Variants in ORMDL3 observed in about 807,000 individuals in gnomAD.
ORMDL3 encodes ORM1-like protein 3.
Under a neutral mutation model 12.6 loss-of-function variants are expected in ORMDL3, and 6 were observed. The ratio of observed to expected loss-of-function variants is 0.48; its 90% CI spans 0.26 to 0.94. ORMDL3 has a LOEUF of 0.94. Among genes scored for constraint, ORMDL3 ranks in the 40% least tolerant of loss-of-function variants. The probability of loss-of-function intolerance (pLI) is 0.14; values close to 1 mark genes in which losing one functional copy is unlikely to be tolerated. For synonymous variants in ORMDL3, 99 were observed against 87.2 expected (o/e 1.14, Z -0.75); for missense variants, 159 against 205.5 (o/e 0.77, Z 1.38).
rs142530116 is a variant in ORMDL3, at chr17:39,922,403, G to A, written c.*147C>T. On this transcript the variant is annotated 3_prime_UTR_variant, in exon 4 of 4. Coordinates refer to ENST00000304046, the MANE Select transcript of ORMDL3 (RefSeq NM_139280.4). ...AAGCTACTCCAAGTTGGCTACTGGGGGAAGCGAGGGGGGAAATTAGGCCAG... is the reference window on the plus strand; with the variant it reads ...AAGCTACTCCAAGTTGGCTACTGGGAGAAGCGAGGGGGGAAATTAGGCCAG... The A allele has an allele frequency of 8.3e-4, 850 of 1,022,980 alleles. 7 individuals carry two copies. In the African/African-American group the frequency reaches 0.012, roughly 14 times the overall value. The allele number at this position is 1,022,980 out of a possible 1,614,324, so 63.4% of individuals were successfully genotyped here.
intron 1 of ORMDL3, 57 bp from the exon 2 acceptor site, chr17:39,924,282 C>T (rs567776558): frequency 4.1e-5 from 61 of 1,485,282 alleles, no homozygotes; most frequent in Non-Finnish European, 5.4e-5. Flanking sequence ...CCCCCTCTCA[C>T]CCTCGGATCC....
In ORMDL3 at chr17:39,922,654, C is replaced by A. The variant is rs761368839; in HGVS notation, c.358G>T (p.Asp120Tyr). 6.2e-7 allele frequency: 1 copy of A among 1,613,472 alleles called. No homozygotes were observed. Among genetic ancestry groups the A allele is most frequent in the Non-Finnish European group, 8.5e-7 (1 of 1,179,736 alleles). ...YFLTSFYTKY[D>Y]QIHFVLNTVS... ...GTGTTGAGCACAAAATGGATCTGGT[C>A]GTACTTAGTGTAGAAGCTGGTGAGG... Residue 120 changes from aspartate to tyrosine, a missense_variant, in exon 4 of 4, where the codon GAC becomes TAC. By Grantham distance (160) the Asp-to-Tyr change is radical. Transcript: ENST00000304046.
intron 1 of ORMDL3, 131 bp from the exon 2 acceptor site, chr17:39,924,356 G>A: frequency 1.2e-6 from 1 of 849,700 alleles, no homozygotes; most frequent in Non-Finnish European, 1.8e-6. Flanking sequence ...TGATTCTGAA[G>A]CATGGAAAGT....
intron 1 of ORMDL3, 59 bp from the exon 2 acceptor site, chr17:39,924,284 C>T: frequency 6.7e-7 from 1 of 1,484,474 alleles, no homozygotes; most frequent in Non-Finnish European, 9.0e-7. Context: ...CCCTCTCACC[C>T]TCGGATCCCG....
chr17:39,922,976 G>C, intron 3 of ORMDL3, 136 bp downstream of exon 3: 1 of 1,242,518 alleles, frequency 8.0e-7, no homozygotes, highest in African/African-American at 1.5e-5. Context: ...TCCAGTGTAA[G>C]ACCCAGGAAT....
chr17:39,927,530 G>A lies in ORMDL3; in HGVS notation c.-69C>T. 3.0e-6 allele frequency: 3 copies of A among 985,444 alleles called. No homozygotes were observed. The highest frequency in any genetic ancestry group is 3.6e-6 in the Non-Finnish European group (3 of 829,956). 61.0% of individuals were successfully genotyped at this position (985,444 alleles called of 1,614,324 possible). A position where few individuals can be genotyped will look rare whatever the true frequency, so the allele number is the denominator to read the frequency against. On this transcript the variant is annotated 5_prime_UTR_variant, in exon 1 of 4. Transcript: ENST00000304046. ...GGCCCGGGAACGGTTCCCGGGAGCGGGGGCCGCTGCTGCTCCAGCAGCTGT... is the reference window on the plus strand; with the variant it reads ...GGCCCGGGAACGGTTCCCGGGAGCGAGGGCCGCTGCTGCTCCAGCAGCTGT...
chr17:39,924,176 C>T lies in ORMDL3; in HGVS notation c.28G>A (p.Val10Met). The T allele has an allele frequency of 6.2e-7, 1 of 1,611,880 alleles. No homozygotes were observed. Among genetic ancestry groups the T allele is most frequent in the Non-Finnish European group, 8.5e-7 (1 of 1,178,758 alleles). MNVGTAHSEVNPNTRVMNSR... is the reference protein window; with the variant it reads MNVGTAHSEMNPNTRVMNSR... Reference sequence around the variant, plus strand: ...TTCATCACCCGCGTGTTGGGGTTCACCTCGCTGTGCGCTGTGCCCACATTC... The same window carrying T: ...TTCATCACCCGCGTGTTGGGGTTCATCTCGCTGTGCGCTGTGCCCACATTC... The change falls in exon 2 of 4, where the codon GTG becomes ATG. Residue 10 changes from valine to methionine, a missense_variant. By Grantham distance (21) the Val-to-Met change is conservative. Transcript: ENST00000304046.
At position 39,922,488 on chromosome 17, in the gene ORMDL3, C is replaced by T. The variant is rs1055690181; in HGVS notation, c.*62G>A. The stretch of plus-strand genomic sequence containing the variant: ...CTTCTTCTTTCTGTCTTCAGTGTTG[C>T]AGCACATGCCTTTTACCCTACCCCT... On this transcript the variant is annotated 3_prime_UTR_variant, in exon 4 of 4. Transcript: ENST00000304046. 1.4e-5 allele frequency: 22 copies of T among 1,545,660 alleles called. No individual in the cohort carries two copies. The African/African-American group carries it at 3.0e-4, about 21-fold the overall frequency.
chr17:39,926,678 T>A, intron 1 of ORMDL3: 43 of 556,612 alleles, frequency 7.7e-5, no homozygotes, highest in East Asian at 1.5e-4. Flanking sequence ...CGCCCCACCC[T>A]CTTGGCTCCA....
At position 39,922,344 on chromosome 17, in the gene ORMDL3, T is replaced by A; in HGVS notation, c.*206A>T. 1 of 564,450 alleles carries A rather than the reference T, an allele frequency of 1.8e-6. No homozygotes were observed. 35.0% of individuals were successfully genotyped at this position (564,450 alleles called of 1,614,324 possible). A position where few individuals can be genotyped will look rare whatever the true frequency, so the allele number is the denominator to read the frequency against. ...AAAAGATCAAAAAATTCAGAAAAGG[T>A]CAGAGCCCAGGGGGCCTACCCCAAC... is the stretch of plus-strand genomic sequence containing the variant. On this transcript the variant is annotated 3_prime_UTR_variant, in exon 4 of 4. Coordinates refer to ENST00000304046, the MANE Select transcript of ORMDL3 (RefSeq NM_139280.4).
chr17:39,923,923 T>C, intron 2 of ORMDL3, 107 bp downstream of exon 2: 2 of 1,207,060 alleles, frequency 1.7e-6, no homozygotes, highest in Non-Finnish European at 2.3e-6. Flanking sequence ...TACATCACCC[T>C]GACACCTGGG....
chr17:39,922,393 G>T lies in ORMDL3; in HGVS notation c.*157C>A. The T allele has an allele frequency of 1.1e-6, 1 of 900,422 alleles. No individual in the cohort carries two copies. The highest frequency in any genetic ancestry group is 1.7e-6 in the Non-Finnish European group (1 of 600,012). 55.8% of individuals were successfully genotyped at this position (900,422 alleles called of 1,614,324 possible). ...ACCCCACTACAAGCTACTCCAAGTTGGCTACTGGGGGAAGCGAGGGGGGAA... is the reference window on the plus strand; with the variant it reads ...ACCCCACTACAAGCTACTCCAAGTTTGCTACTGGGGGAAGCGAGGGGGGAA... On this transcript the variant is annotated 3_prime_UTR_variant, in exon 4 of 4. Coordinates refer to ENST00000304046, the MANE Select transcript of ORMDL3 (RefSeq NM_139280.4).
At chr17:39,923,682 G>A (rs1022347703) in intron 2 of ORMDL3, among the ~76,000 whole-genome samples, 6 of 152,236 alleles carry the variant, frequency 3.9e-5, no homozygotes, top group East Asian at 1.9e-4. Context: ...TGAGAAAGGG[G>A]CATTTCTGTA....
intron 1 of ORMDL3, chr17:39,926,325 A>C (rs1407202099): frequency 6.6e-6 from 1 of 152,342 alleles, no homozygotes; most frequent in Non-Finnish European, 1.5e-5. Flanking sequence ...GAGAGCAGGA[A>C]ACCACCAGAG....
chr17:39,923,379 G>A, intron 2 of ORMDL3, 116 bp from the exon 3 acceptor site: 1 of 1,227,598 alleles, frequency 8.1e-7, no homozygotes, highest in Admixed American at 1.9e-5. Flanking sequence ...CCTCTGCTGG[G>A]CAGGGGGATA....
chr17:39,922,257 G>A lies in ORMDL3; in HGVS notation c.*293C>T. 3.7e-6 allele frequency: 1 copy of A among 273,778 alleles called. No individual in the cohort carries two copies. Among genetic ancestry groups the A allele is most frequent in the Non-Finnish European group, 7.0e-6 (1 of 143,700 alleles). The allele number at this position is 273,778 out of a possible 1,614,324, so 17.0% of individuals were successfully genotyped here. ...GTCGCAACTGCGTGGTCCATGTTCA[G>A]CCCAGGAGCCCAGCCCATTCCATGA... On this transcript the variant is annotated 3_prime_UTR_variant, in exon 4 of 4. Coordinates refer to ENST00000304046, the MANE Select transcript of ORMDL3 (RefSeq NM_139280.4).
At chr17:39,924,487 T>A (rs767372006) in intron 1 of ORMDL3, among the ~76,000 whole-genome samples, 1 of 152,030 alleles carries the variant, frequency 6.6e-6, no homozygotes, top group Non-Finnish European at 1.5e-5. Flanking sequence ...GGAGGACAGG[T>A]CATCAAGAGG....
Position 39,924,215 on chromosome 17 carries a change from T to G in ORMDL3, c.-12A>C, listed in dbSNP as rs781515202. 1 of 1,590,358 alleles carries G rather than the reference T, an allele frequency of 6.3e-7. No individual in the cohort carries two copies. Among genetic ancestry groups the G allele is most frequent in the South Asian group, 1.2e-5 (1 of 86,572 alleles). The stretch of plus-strand genomic sequence containing the variant: ...GTGCCCACATTCATCCTGCTGCCCC[T>G]CTCTGCTGTTCTGCAAACAAGCAGC... On this transcript the variant is annotated 5_prime_UTR_variant, in exon 2 of 4. Transcript: ENST00000304046.
intron 1 of ORMDL3, 118 bp from the exon 2 acceptor site, chr17:39,924,343 T>C: frequency 2.2e-6 from 2 of 923,510 alleles, no homozygotes; most frequent in Non-Finnish European, 1.6e-6. Flanking sequence ...AGTTCCACTC[T>C]TTTGATTCTG....
Sources: allele counts gnomAD v4.1 joint callset (sites outside exome capture counted in the v4.1 genomes callset), GRCh38; gene constraint gnomAD v4.1.1; transcripts MANE v1.5; gene names NCBI Gene and HGNC (gene_info 2026-07-23, HGNC 2026-07-21).